Variants in HECW2 observed in about 807,000 individuals in gnomAD.
The protein encoded by HECW2 is E3 ubiquitin-protein ligase HECW2.
In HECW2, 61 loss-of-function variants were observed where a neutral mutation model predicts 175.2. The observed-to-expected ratio is 0.35, with a 90% CI of 0.28 to 0.43. The LOEUF (loss-of-function observed/expected upper bound fraction) is 0.43. Among genes scored for constraint, HECW2 ranks in the 20% least tolerant of loss-of-function variants. HECW2 has a pLI of 1.00. For synonymous variants in HECW2, 671 were observed against 731.0 expected, an observed-to-expected ratio of 0.92 and a Z score of 1.32; for missense variants, 1,524 against 2,000.5, an observed-to-expected ratio of 0.76 and a Z score of 4.54.
chr2:196,547,235 C>T (rs898286266), intron 1 of HECW2, among the ~76,000 whole-genome samples: 3 of 152,196 alleles, frequency 2.0e-5, no homozygotes, highest in Non-Finnish European at 4.4e-5. Flanking sequence ...GGCACCCCAG[C>T]ATTCCATGAT....
chr2:196,539,169 G>A (rs949126359), intron 1 of HECW2, among the ~76,000 whole-genome samples: 6 of 152,166 alleles, frequency 3.9e-5, no homozygotes, highest in African/African-American at 1.4e-4. Context: ...TGTCTGGGGT[G>A]CTCAGTCCCT....
At chr2:196,591,541 T>C (rs1255616677) in intron 1 of HECW2, among the ~76,000 whole-genome samples, 1 of 152,186 alleles carries the variant, frequency 6.6e-6, no homozygotes, top group African/African-American at 2.4e-5. Context: ...ACTTTTTGAA[T>C]GTTCAACAAA....
At chr2:196,383,412 G>C (rs936126735) in intron 2 of HECW2, among the ~76,000 whole-genome samples, 3 of 152,198 alleles carry the variant, frequency 2.0e-5, no homozygotes, top group Non-Finnish European at 4.4e-5. Context: ...AAACAGATGA[G>C]ATTGCAGGGT....
chr2:196,242,309 C>T, intron 19 of HECW2, 105 bp from the exon 20 acceptor site: 1 of 1,430,406 alleles, frequency 7.0e-7, no homozygotes. Flanking sequence ...TCAAATGAGG[C>T]AACTGTCTTA....
intron 28 of HECW2, among the ~76,000 whole-genome samples, chr2:196,210,586 T>G (rs1687244501): frequency 6.6e-6 from 1 of 151,896 alleles, no homozygotes; most frequent in Non-Finnish European, 1.5e-5. Flanking sequence ...TTTTGTAAAA[T>G]TTTCTTTTTA....
intron 21 of HECW2, among the ~76,000 whole-genome samples, chr2:196,229,197 T>C (rs1019988575): frequency 6.6e-6 from 1 of 152,092 alleles, no homozygotes; most frequent in Admixed American, 6.5e-5. Context: ...ACTGAGAAGC[T>C]GGGGTGGAGG....
At chr2:196,470,371 T>C (rs2125348328) in intron 1 of HECW2, among the ~76,000 whole-genome samples, 1 of 152,326 alleles carries the variant, frequency 6.6e-6, no homozygotes, top group Non-Finnish European at 1.5e-5. Context: ...TAAGGCTGAT[T>C]TGTTAACACT....
At chr2:196,499,814 A>G (rs1013894359) in intron 1 of HECW2, among the ~76,000 whole-genome samples, 2 of 152,206 alleles carry the variant, frequency 1.3e-5, no homozygotes, top group Non-Finnish European at 2.9e-5. Context: ...CCTCCTTTAA[A>G]GAACTCAAGT....
intron 13 of HECW2, among the ~76,000 whole-genome samples, chr2:196,301,271 C>T (rs1691040529): frequency 6.6e-6 from 1 of 152,150 alleles, no homozygotes; most frequent in Non-Finnish European, 1.5e-5. Context: ...TTTATCCAGT[C>T]TATCATTGAT....
At position 196,197,372 on chromosome 2, in the gene HECW2, A is replaced by T. The variant is rs958026010; in HGVS notation, c.*3905T>A. 1 of 150,966 alleles carries T rather than the reference A, an allele frequency of 6.6e-6. No individual in the cohort carries two copies. The highest frequency in any genetic ancestry group is 2.4e-5 in the African/African-American group (1 of 40,980). The allele number at this position is 150,966 out of a possible 1,614,324, so 9.4% of individuals were successfully genotyped here. Reference sequence around the variant, plus strand: ...CTTACTAGATCCATCCCTATTAAAAATTTAAAAATAAAATAAGGCTTCTGA... The same window carrying T: ...CTTACTAGATCCATCCCTATTAAAATTTTAAAAATAAAATAAGGCTTCTGA... On this transcript the variant is annotated 3_prime_UTR_variant, in exon 29 of 29. Transcript: ENST00000644978.
At chr2:196,474,004 GAA>G (rs1697322544) in intron 1 of HECW2, among the ~76,000 whole-genome samples, 1 of 152,176 alleles carries the variant, frequency 6.6e-6, no homozygotes, top group South Asian at 2.1e-4. Context: ...AGGCAGAAAA[GAA>G]AACTCTGTTT....
chr2:196,214,391 G>T (rs963954381), intron 28 of HECW2, among the ~76,000 whole-genome samples: 55 of 152,298 alleles, frequency 3.6e-4, no homozygotes, highest in African/African-American at 1.3e-3. Context: ...TGGCTTTACA[G>T]AAATAGATTT....
At chr2:196,222,054 A>G (rs16847477) in intron 24 of HECW2, among the ~76,000 whole-genome samples, 157 bp downstream of exon 24, 10,852 of 152,260 alleles carry the variant, frequency 0.071, 1,307 homozygotes, top group African/African-American at 0.25. Context: ...TCTAATCTTT[A>G]TAACTGCGGT....
At chr2:196,342,725 A>T (rs950948251) in intron 3 of HECW2, among the ~76,000 whole-genome samples, 26 of 152,284 alleles carry the variant, frequency 1.7e-4, no homozygotes, top group African/African-American at 5.8e-4. Context: ...GCCGACCTCA[A>T]TGTCAGTGAG....
At chr2:196,243,619 T>A (rs758125472) in intron 19 of HECW2, among the ~76,000 whole-genome samples, 1 of 152,202 alleles carries the variant, frequency 6.6e-6, no homozygotes, top group African/African-American at 2.4e-5. Flanking sequence ...TTGCTCTTGT[T>A]GCCCAGGCTG....
chr2:196,489,299 T>G (rs570884612), intron 1 of HECW2, among the ~76,000 whole-genome samples: 3 of 152,250 alleles, frequency 2.0e-5, no homozygotes, highest in South Asian at 2.1e-4. Flanking sequence ...GAGAGAGAGA[T>G]ATATAACTCC....
At chr2:196,520,502 A>G (rs1688323531) in intron 1 of HECW2, among the ~76,000 whole-genome samples, 1 of 152,228 alleles carries the variant, frequency 6.6e-6, no homozygotes, top group African/African-American at 2.4e-5. Context: ...GGAAATTCAT[A>G]GGGCTTTTAA....
At chr2:196,380,864 G>A (rs144181510) in intron 2 of HECW2, among the ~76,000 whole-genome samples, 1 of 152,304 alleles carries the variant, frequency 6.6e-6, no homozygotes, top group African/African-American at 2.4e-5. Context: ...ACTGTGCTGA[G>A]TTCAACCTGT....
intron 2 of HECW2, among the ~76,000 whole-genome samples, chr2:196,402,155 G>T (rs1401268285): frequency 3.0e-4 from 39 of 131,294 alleles, no homozygotes; most frequent in African/African-American, 1.0e-3. Flanking sequence ...GAGCCGAGAT[G>T]GCACCACTGC....
Sources: allele counts gnomAD v4.1 joint callset (sites outside exome capture counted in the v4.1 genomes callset), GRCh38; gene constraint gnomAD v4.1.1; transcripts MANE v1.5; gene names NCBI Gene and HGNC (gene_info 2026-07-23, HGNC 2026-07-21).